ADAMTS12: variants seen among roughly 807,000 people sequenced by gnomAD.
The protein encoded by ADAMTS12 is ADAM metallopeptidase with thrombospondin type 1 motif 12, also known as A disintegrin and metalloproteinase with thrombospondin motifs 12.
ADAMTS12 carries 118 observed loss-of-function variants against 167.8 expected under a neutral mutation model. The observed-to-expected ratio is 0.70, with a 90% CI of 0.61 to 0.82. The LOEUF is 0.82. Among genes scored for constraint, ADAMTS12 ranks in the 40% least tolerant of loss-of-function variants. ADAMTS12 has a pLI of 0.00. For synonymous variants in ADAMTS12, 704 were observed against 716.9 expected (o/e 0.98, Z 0.29); for missense variants, 1,916 against 1,998.8 (o/e 0.96, Z 0.79).
chr5:33,782,058 C>A (rs1746150093), intron 2 of ADAMTS12, among the ~76,000 whole-genome samples: 1 of 151,916 alleles, frequency 6.6e-6, no homozygotes, highest in African/African-American at 2.4e-5. Context: ...TGCTTGAGTA[C>A]ACAGCAATAA....
chr5:33,577,472 CA>C (rs1357209829), intron 18 of ADAMTS12, among the ~76,000 whole-genome samples: 5 of 152,208 alleles, frequency 3.3e-5, no homozygotes, highest in Non-Finnish European at 7.3e-5. Flanking sequence ...ATGGTTTACA[CA>C]AGTTGCTAAA....
Position 33,527,190 on chromosome 5 carries a change from A to G in ADAMTS12, c.4783T>C (p.Ter1595GlnextTer15), listed in dbSNP as rs745587306. Residue 1595 changes from the stop codon to glutamine, a stop_lost, in exon 24 of 24, where the codon TAA becomes CAA. Coordinates refer to ENST00000504830, the MANE Select transcript of ADAMTS12 (RefSeq NM_030955.4). ...QRLLQKSKEL[*>Q] ...TGGAAGCTGGCTTCCTTTTGGGCTT[A>G]GAGTTCTTTTGACTTTTGGAGCAAC... 2 of 1,614,182 alleles carry G rather than the reference A, an allele frequency of 1.2e-6. No homozygotes were observed. The highest frequency in any genetic ancestry group is 2.2e-5 in the South Asian group (2 of 91,082).
At position 33,686,493 on chromosome 5, in the gene ADAMTS12, C is replaced by A. The variant is rs151053194; in HGVS notation, c.635-2438G>T. Among the ~76,000 whole-genome samples the A allele has an allele frequency of 9.9e-5, 15 of 152,056 alleles. No individual in the cohort carries two copies. The East Asian group carries it at 2.9e-3, about 30-fold the overall frequency. On this transcript the variant is annotated intron_variant, in intron 3 of 23. Transcript: ENST00000504830. The stretch of plus-strand genomic sequence containing the variant: ...CTTCTTTACTCTCCCCTTTTTCTAC[C>A]TTTTATCCCTCAGTGTTGAAAAAGA...
intron 3 of ADAMTS12, among the ~76,000 whole-genome samples, chr5:33,739,534 AG>A (rs1475518828): frequency 2.0e-5 from 3 of 152,196 alleles, no homozygotes; most frequent in Admixed American, 2.0e-4. Context: ...CAGGATAAGG[AG>A]CCATGCCCTG....
intron 3 of ADAMTS12, among the ~76,000 whole-genome samples, chr5:33,693,094 C>T (rs971535966): frequency 1.3e-5 from 2 of 152,178 alleles, no homozygotes; most frequent in Admixed American, 6.5e-5. Context: ...ATTCAGCTAT[C>T]TCTGTTGCTG....
At chr5:33,643,243 T>C in intron 10 of ADAMTS12, 135 bp downstream of exon 10, 1 of 807,298 alleles carries the variant, frequency 1.2e-6, no homozygotes, top group Non-Finnish European at 2.0e-6. Context: ...TGATCTCCTC[T>C]GGCTGGTCTG....
intron 5 of ADAMTS12, among the ~76,000 whole-genome samples, chr5:33,674,475 T>C (rs1378956155): frequency 6.6e-6 from 1 of 152,186 alleles, no homozygotes; most frequent in Non-Finnish European, 1.5e-5. Context: ...AGATAGTCTT[T>C]TTCCAGGGAA....
intron 16 of ADAMTS12, among the ~76,000 whole-genome samples, chr5:33,599,770 A>G (rs1187027135): frequency 6.6e-6 from 1 of 152,194 alleles, no homozygotes; most frequent in Non-Finnish European, 1.5e-5. Flanking sequence ...TGATACACTC[A>G]TTAACTCTGA....
At chr5:33,764,433 A>C (rs1745461319) in intron 2 of ADAMTS12, among the ~76,000 whole-genome samples, 1 of 152,134 alleles carries the variant, frequency 6.6e-6, no homozygotes. Flanking sequence ...ACCATTTGAC[A>C]TTTCCCATTG....
intron 3 of ADAMTS12, among the ~76,000 whole-genome samples, chr5:33,707,421 C>T (rs62352080): frequency 1.3e-5 from 2 of 152,110 alleles, no homozygotes; most frequent in Admixed American, 6.6e-5. Flanking sequence ...CAAGCTACCA[C>T]TGACTTTCTT....
At chr5:33,793,603 C>A (rs967603957) in intron 2 of ADAMTS12, among the ~76,000 whole-genome samples, 9 of 152,042 alleles carry the variant, frequency 5.9e-5, no homozygotes, top group Non-Finnish European at 1.2e-4. Context: ...TTATTTTACC[C>A]AAACTTTTTT....
Position 33,577,841 on chromosome 5 carries a change from C to T in ADAMTS12, c.2866-681G>A, listed in dbSNP as rs541855261. On this transcript the variant is annotated intron_variant, in intron 18 of 23. Transcript: ENST00000504830. ...TCAGCATGGCACTGAGGTATATATT[C>T]GGGTACTGGTAAGTGCCCCTCCCCA... Among the ~76,000 whole-genome samples the T allele has an allele frequency of 5.9e-5, 9 of 152,258 alleles. 1 individual carries two copies. The South Asian group carries it at 1.2e-3, about 21-fold the overall frequency.
At chr5:33,835,944 T>TCC (rs1736106891) in intron 2 of ADAMTS12, among the ~76,000 whole-genome samples, 1 of 39,210 alleles carries the variant, frequency 2.6e-5, no homozygotes, top group African/African-American at 8.8e-5. Flanking sequence ...TCTCTCTCTC[T>TCC]CTCTCTCTCT....
At chr5:33,531,379 A>G (rs1215812574) in intron 23 of ADAMTS12, among the ~76,000 whole-genome samples, 1 of 150,510 alleles carries the variant, frequency 6.6e-6, no homozygotes, top group Non-Finnish European at 1.5e-5. Flanking sequence ...GAAAAAACAC[A>G]GATACAAATT....
At chr5:33,677,767 C>T (rs546852063) in intron 5 of ADAMTS12, among the ~76,000 whole-genome samples, 70 of 152,308 alleles carry the variant, frequency 4.6e-4, no homozygotes, top group Admixed American at 2.0e-3. Context: ...ATGTTTGACA[C>T]GTCTTTTCAG....
chr5:33,870,353 T>G (rs577632913), intron 2 of ADAMTS12, among the ~76,000 whole-genome samples: 54 of 152,292 alleles, frequency 3.5e-4, no homozygotes, highest in African/African-American at 1.3e-3. Context: ...TCTTCACAAT[T>G]TATGTTCAGA....
chr5:33,576,856 G>T lies in ADAMTS12; in HGVS notation c.3170C>A (p.Ser1057Tyr). 6.2e-7 allele frequency: 1 copy of T among 1,614,208 alleles called. No homozygotes were observed. The highest frequency in any genetic ancestry group is 1.1e-5 in the South Asian group (1 of 91,088). ...AISSPSPTTA[S>Y]KEGDLGGKQW... is the part of the protein sequence containing the mutation. ...TTTCCCACCCAGGTCTCCTTCTTTGGAGGCTGTGGTAGGACTAGGGCTGCT... is the reference window on the plus strand; with the variant it reads ...TTTCCCACCCAGGTCTCCTTCTTTGTAGGCTGTGGTAGGACTAGGGCTGCT... The change falls in exon 19 of 24, where the codon TCC (serine) becomes TAC (tyrosine). Residue 1057 changes from serine (S) to tyrosine (Y), a missense_variant. Ser to Tyr is a moderately radical substitution (Grantham distance 144). Transcript: ENST00000504830.
chr5:33,707,583 T>G (rs1407182467), intron 3 of ADAMTS12, among the ~76,000 whole-genome samples: 1 of 152,160 alleles, frequency 6.6e-6, no homozygotes, highest in Non-Finnish European at 1.5e-5. Flanking sequence ...CAAAACAGCA[T>G]GGCACTGGTA....
intron 2 of ADAMTS12, among the ~76,000 whole-genome samples, chr5:33,823,499 A>T (rs1399537705): frequency 6.6e-6 from 1 of 152,192 alleles, no homozygotes; most frequent in Non-Finnish European, 1.5e-5. Context: ...ATCAATGGTG[A>T]CTACCACATG....
Sources: allele counts gnomAD v4.1 joint callset (sites outside exome capture counted in the v4.1 genomes callset), GRCh38; gene constraint gnomAD v4.1.1; transcripts MANE v1.5; gene names NCBI Gene and HGNC (gene_info 2026-07-23, HGNC 2026-07-21).